DPP6: variants seen among roughly 807,000 people sequenced by gnomAD.
The protein encoded by DPP6 is dipeptidyl peptidase like 6, also known as A-type potassium channel modulatory protein DPP6.
Under a neutral mutation model 122.6 loss-of-function variants are expected in DPP6, and 69 were observed. The observed-to-expected ratio is 0.56, with a 90% CI of 0.46 to 0.69. DPP6 has a LOEUF of 0.69. DPP6 is among the 30% of genes least tolerant of loss of function. DPP6 has a pLI of 0.00. For missense variants in DPP6, 928 were observed against 1,116.9 expected (o/e 0.83, Z 2.41); for synonymous variants, 418 against 433.1 (o/e 0.97, Z 0.43).
At chr7:154,757,762 G>A (rs2131496593) in intron 8 of DPP6, among the ~76,000 whole-genome samples, 1 of 152,300 alleles carries the variant, frequency 6.6e-6, no homozygotes, top group South Asian at 2.1e-4. Flanking sequence ...CACACGGGAG[G>A]GGCACGTTCA....
chr7:154,197,725 T>C (rs1798940839), intron 1 of DPP6, among the ~76,000 whole-genome samples: 1 of 152,228 alleles, frequency 6.6e-6, no homozygotes, highest in Non-Finnish European at 1.5e-5. Flanking sequence ...TGCTCATTTG[T>C]TCTTAATAAG....
intron 1 of DPP6, among the ~76,000 whole-genome samples, chr7:153,892,937 TATTG>T (rs1799267347): frequency 6.6e-6 from 1 of 152,162 alleles, no homozygotes; most frequent in South Asian, 2.1e-4. Context: ...TTTCTTGAAA[TATTG>T]ATTAATCCCA....
chr7:154,688,028 G>A (rs184426212), intron 7 of DPP6, among the ~76,000 whole-genome samples: 1 of 152,276 alleles, frequency 6.6e-6, no homozygotes, highest in Non-Finnish European at 1.5e-5. Context: ...CTCATCTTTT[G>A]TCCACTGTTG....
chr7:154,012,173 G>T (rs988563426), intron 1 of DPP6, among the ~76,000 whole-genome samples: 5 of 152,098 alleles, frequency 3.3e-5, no homozygotes, highest in Admixed American at 1.3e-4. Context: ...CAATTTCTTT[G>T]TTTATTTCCT....
intron 7 of DPP6, among the ~76,000 whole-genome samples, chr7:154,671,026 C>T (rs1838519925): frequency 6.6e-6 from 1 of 152,160 alleles, no homozygotes; most frequent in Non-Finnish European, 1.5e-5. Context: ...CGAGGAACAC[C>T]AATCCATCAG....
intron 1 of DPP6, among the ~76,000 whole-genome samples, chr7:154,105,119 TC>T (rs1360302985): frequency 3.3e-5 from 5 of 152,192 alleles, no homozygotes; most frequent in Admixed American, 6.5e-5. Flanking sequence ...AGAGTGAGAC[TC>T]TGTCTAAAAA....
At chr7:154,835,201 G>A (rs192815027) in intron 16 of DPP6, among the ~76,000 whole-genome samples, 1 of 152,266 alleles carries the variant, frequency 6.6e-6, no homozygotes, top group African/African-American at 2.4e-5. Flanking sequence ...ATGGACCCCG[G>A]ATCTGATACG....
chr7:154,412,490 A>AT (rs1180870472), intron 1 of DPP6, among the ~76,000 whole-genome samples: 7 of 152,088 alleles, frequency 4.6e-5, no homozygotes, highest in African/African-American at 1.7e-4. Context: ...TCCCCACCTC[A>AT]TTTAACCTTA....
intron 10 of DPP6, among the ~76,000 whole-genome samples, chr7:154,789,334 A>T (rs1797533276): frequency 6.6e-6 from 1 of 152,172 alleles, no homozygotes; most frequent in African/African-American, 2.4e-5. Context: ...CATTTAGCAA[A>T]GGTTTGACTT....
chr7:154,093,243 T>C (rs533078843), intron 1 of DPP6, among the ~76,000 whole-genome samples: 1 of 139,678 alleles, frequency 7.2e-6, no homozygotes, highest in Non-Finnish European at 1.5e-5. Context: ...ACACAGCACA[T>C]AACACACCAC....
At chr7:154,554,572 T>C (rs1051827079) in intron 4 of DPP6, among the ~76,000 whole-genome samples, 1 of 131,180 alleles carries the variant, frequency 7.6e-6, no homozygotes, top group African/African-American at 4.4e-5. Context: ...AATCCTTTAG[T>C]TAGATATGTA....
intron 3 of DPP6, among the ~76,000 whole-genome samples, chr7:154,539,517 G>T (rs1828540881): frequency 6.6e-6 from 1 of 151,866 alleles, no homozygotes; most frequent in African/African-American, 2.4e-5. Context: ...AGCATTAGGA[G>T]AAATACCTAA....
At chr7:153,789,614 A>G in the DPP6 span, among the ~76,000 whole-genome samples, 2 of 152,220 alleles carry the variant, frequency 1.3e-5, no homozygotes, top group Admixed American at 6.5e-5. Flanking sequence ...TATAATGAAT[A>G]ATAAGTGAGA....
the DPP6 span, among the ~76,000 whole-genome samples, chr7:153,830,842 G>A: frequency 1.9e-4 from 29 of 152,156 alleles, no homozygotes; most frequent in African/African-American, 2.7e-4. Context: ...GAGAAAATAC[G>A]TCATTCTATT....
At chr7:154,157,883 A>T (rs1214984793) in intron 1 of DPP6, among the ~76,000 whole-genome samples, 1 of 151,822 alleles carries the variant, frequency 6.6e-6, no homozygotes, top group African/African-American at 2.4e-5. Flanking sequence ...CGGTGAGCTG[A>T]GATTGCGCCA....
intron 3 of DPP6, among the ~76,000 whole-genome samples, chr7:154,511,102 A>G (rs1826058458): frequency 6.6e-6 from 1 of 152,126 alleles, no homozygotes; most frequent in Admixed American, 6.5e-5. Flanking sequence ...AAAATTCGAT[A>G]TCACTTTCTT....
chr7:153,773,263 T>TTGTGTGTGTGTGTGTG, the DPP6 span, among the ~76,000 whole-genome samples: 4 of 83,262 alleles, frequency 4.8e-5, no homozygotes, highest in Admixed American at 1.1e-4. Flanking sequence ...CTCTTTTCTT[T>TTGTGTGTGTGTGTGTG]CGTGTGTGTG....
At chr7:153,987,558 AT>A (rs56178380) in intron 1 of DPP6, among the ~76,000 whole-genome samples, 43,354 of 148,620 alleles carry the variant, frequency 0.29, 6,238 homozygotes, top group Admixed American at 0.35. Flanking sequence ...AATTCAAACC[AT>A]TTTTTTTTTT....
intron 8 of DPP6, among the ~76,000 whole-genome samples, chr7:154,750,107 C>T (rs1843299172): frequency 6.6e-6 from 1 of 152,088 alleles, no homozygotes; most frequent in Non-Finnish European, 1.5e-5. Flanking sequence ...CTTCCCACAC[C>T]CTTGCTCCTG....
Sources: allele counts gnomAD v4.1 joint callset (sites outside exome capture counted in the v4.1 genomes callset), GRCh38; gene constraint gnomAD v4.1.1; transcripts MANE v1.5; gene names NCBI Gene and HGNC (gene_info 2026-07-23, HGNC 2026-07-21).